RPA3: variants seen among roughly 807,000 people sequenced by gnomAD.
RPA3 encodes the protein replication protein A3, also known as replication protein A 14 kDa subunit.
In RPA3, 24 loss-of-function variants were observed where a neutral mutation model predicts 13.7. That is an observed-to-expected ratio of 1.75 (90% CI 1.27 to 2.46). RPA3 has a LOEUF of 2.46. RPA3 is among the 30% of genes most tolerant of loss of function. The pLI, the probability that RPA3 is intolerant of heterozygous loss-of-function variation, is 0.00. For synonymous variants in RPA3, 59 were observed against 51.2 expected (o/e 1.15, Z -0.65); for missense variants, 183 against 151.0 (o/e 1.21, Z -1.11).
chr7:7,675,959 A>G, intron 4 of RPA3: 1 of 391,136 alleles, frequency 2.6e-6, no homozygotes, highest in Non-Finnish European at 4.5e-6. Flanking sequence ...CACCATTTTC[A>G]TAAAATCCTC....
intron 6 of RPA3, 84 bp from the exon 7 acceptor site, chr7:7,638,056 A>C (rs1180351990): frequency 1.5e-5 from 13 of 883,086 alleles, no homozygotes; most frequent in Non-Finnish European, 2.3e-5. Context: ...ACAGGTTACT[A>C]ATCTATCACT....
intron 2 of RPA3, among the ~76,000 whole-genome samples, chr7:7,702,333 G>A (rs1308749106): frequency 6.6e-6 from 1 of 152,060 alleles, no homozygotes; most frequent in African/African-American, 2.4e-5. Context: ...GACTTTTAAG[G>A]AAAGATGAGA....
At chr7:7,691,244 A>G (rs1010661593) in intron 2 of RPA3, among the ~76,000 whole-genome samples, 2 of 152,234 alleles carry the variant, frequency 1.3e-5, no homozygotes, top group African/African-American at 4.8e-5. Flanking sequence ...GGCAGGTAAA[A>G]TGTATGTATG....
chr7:7,671,088 A>C (rs1329875963), intron 4 of RPA3, among the ~76,000 whole-genome samples: 1 of 152,184 alleles, frequency 6.6e-6, no homozygotes, highest in Non-Finnish European at 1.5e-5. Context: ...ATTGGTGTCT[A>C]AGGGTTGTTT....
At chr7:7,693,200 T>A (rs2115140105) in intron 2 of RPA3, among the ~76,000 whole-genome samples, 1 of 152,318 alleles carries the variant, frequency 6.6e-6, no homozygotes, top group South Asian at 2.1e-4. Flanking sequence ...TACATTTTAC[T>A]ATTACTACTG....
In RPA3 at chr7:7,685,996, C is replaced by A. The variant is rs1439606575; in HGVS notation, c.-924G>T. 1 of 152,208 alleles carries A rather than the reference C, an allele frequency of 6.6e-6. No homozygotes were observed. Among genetic ancestry groups the A allele is most frequent in the Non-Finnish European group, 1.5e-5 (1 of 68,038 alleles). The allele number at this position is 152,208 out of a possible 1,614,324, so 9.4% of individuals were successfully genotyped here. ...GCTCCAGATTCCTGGGCCTTGCCCA[C>A]ACCTAGTGAAACAGAATTTTGGGAG... is the stretch of plus-strand genomic sequence containing the variant. On this transcript the variant is annotated splice_region_variant and 5_prime_UTR_variant, in exon 4 of 8. Coordinates refer to ENST00000223129, the MANE Select transcript of RPA3 (RefSeq NM_002947.5).
intron 4 of RPA3, among the ~76,000 whole-genome samples, chr7:7,646,480 A>ATTT (rs35948027): frequency 6.4e-4 from 71 of 111,326 alleles, no homozygotes; most frequent in Middle Eastern, 5.0e-3. Flanking sequence ...CTTTCGCTGG[A>ATTT]TTTTTTTTTT....
intron 4 of RPA3, among the ~76,000 whole-genome samples, chr7:7,681,964 A>C (rs1321972280): frequency 6.6e-6 from 1 of 152,180 alleles, no homozygotes; most frequent in African/African-American, 2.4e-5. Context: ...TAACAACAAA[A>C]AGTAATAGGA....
chr7:7,701,806 C>A (rs1419912417), intron 2 of RPA3, among the ~76,000 whole-genome samples: 3 of 152,138 alleles, frequency 2.0e-5, no homozygotes, highest in Non-Finnish European at 4.4e-5. Context: ...GCCATTTACC[C>A]ATGTCTCGGA....
intron 4 of RPA3, among the ~76,000 whole-genome samples, chr7:7,675,684 A>G (rs188784827): frequency 1.2e-3 from 180 of 152,312 alleles, no homozygotes; most frequent in South Asian, 3.5e-3. Flanking sequence ...TTTTCCCAGG[A>G]CCATCTTGGA....
chr7:7,652,269 T>G (rs897289679), intron 4 of RPA3, among the ~76,000 whole-genome samples: 1 of 152,230 alleles, frequency 6.6e-6, no homozygotes, highest in Non-Finnish European at 1.5e-5. Context: ...AGCAGTATAC[T>G]CTTGGTCGAT....
intron 4 of RPA3, among the ~76,000 whole-genome samples, chr7:7,674,925 A>G (rs1196575723): frequency 6.6e-6 from 1 of 152,070 alleles, no homozygotes; most frequent in African/African-American, 2.4e-5. Context: ...CCACTCTGTT[A>G]TATATTCCTG....
At chr7:7,669,587 C>A (rs1779554514) in intron 4 of RPA3, among the ~76,000 whole-genome samples, 1 of 152,176 alleles carries the variant, frequency 6.6e-6, no homozygotes, top group Non-Finnish European at 1.5e-5. Context: ...CCTTAGGTAC[C>A]TAGTGGCATG....
chr7:7,699,430 G>A, intron 2 of RPA3, among the ~76,000 whole-genome samples: 1 of 152,164 alleles, frequency 6.6e-6, no homozygotes, highest in African/African-American at 2.4e-5. Flanking sequence ...GTACAATTTT[G>A]TTTAGTTTTT....
chr7:7,674,523 G>A (rs1354916962), intron 4 of RPA3, among the ~76,000 whole-genome samples: 1 of 152,216 alleles, frequency 6.6e-6, no homozygotes, highest in African/African-American at 2.4e-5. Context: ...AGGAGCAGTA[G>A]CTGGGAGGTT....
chr7:7,647,644 G>A (rs534107992), intron 4 of RPA3, among the ~76,000 whole-genome samples: 99 of 152,290 alleles, frequency 6.5e-4, no homozygotes, highest in Non-Finnish European at 1.3e-3. Context: ...GTCTTCCTCT[G>A]TTGCTGAGGC....
chr7:7,675,350 A>G (rs933616594), intron 4 of RPA3, among the ~76,000 whole-genome samples: 1 of 152,122 alleles, frequency 6.6e-6, no homozygotes, highest in Admixed American at 6.5e-5. Context: ...GATTTCTGAG[A>G]CAAATTTTAA....
intron 4 of RPA3, among the ~76,000 whole-genome samples, chr7:7,656,229 G>A (rs988740859): frequency 1.3e-5 from 2 of 152,162 alleles, no homozygotes; most frequent in East Asian, 3.8e-4. Context: ...GGTGGAAGTG[G>A]AGTGGAAATA....
At chr7:7,663,015 C>G (rs13236936) in intron 4 of RPA3, among the ~76,000 whole-genome samples, 4 of 18,396 alleles carry the variant, frequency 2.2e-4, no homozygotes, top group African/African-American at 3.3e-4. Flanking sequence ...TTGAAAAAGC[C>G]TTTTTTGCCT....
Sources: allele counts gnomAD v4.1 joint callset (sites outside exome capture counted in the v4.1 genomes callset), GRCh38; gene constraint gnomAD v4.1.1; transcripts MANE v1.5; gene names NCBI Gene and HGNC (gene_info 2026-07-23, HGNC 2026-07-21).